C1orf167: variants seen among roughly 807,000 people sequenced by gnomAD.
The protein encoded by C1orf167 is uncharacterized protein C1orf167.
C1orf167 carries 153 observed loss-of-function variants against 176.5 expected under a neutral mutation model. That is an observed-to-expected ratio of 0.87 (90% CI 0.76 to 0.99). The LOEUF is 0.99. Among genes scored for constraint, C1orf167 ranks in the 50% least tolerant of loss-of-function variants. The probability of loss-of-function intolerance (pLI) is 0.00; values close to 1 mark genes in which losing one functional copy is unlikely to be tolerated. For missense variants in C1orf167, 1,490 were observed against 1,817.7 expected, an observed-to-expected ratio of 0.82 and a Z score of 3.28; for synonymous variants, 594 against 752.7, an observed-to-expected ratio of 0.79 and a Z score of 3.45.
intron 1 of C1orf167, among the ~76,000 whole-genome samples, chr1:11,764,002 T>G (rs1278710293): frequency 2.0e-5 from 3 of 152,066 alleles, no homozygotes; most frequent in Non-Finnish European, 4.4e-5. Flanking sequence ...GAGTTCAGTT[T>G]TGGACATATT....
intron 17 of C1orf167, 71 bp downstream of exon 17, chr1:11,787,564 G>A: frequency 9.3e-7 from 1 of 1,080,908 alleles, no homozygotes; most frequent in Non-Finnish European, 1.2e-6. Flanking sequence ...CAGTCCTCAG[G>A]GGCCTGGAAA....
intron 13 of C1orf167, among the ~76,000 whole-genome samples, chr1:11,781,803 G>A (rs991093482): frequency 2.6e-5 from 4 of 151,870 alleles, no homozygotes; most frequent in Admixed American, 6.6e-5. Flanking sequence ...CCAGCTACTC[G>A]GGAGGCTGAG....
At position 11,782,314 on chromosome 1, in the gene C1orf167, G is replaced by T; in HGVS notation, c.2986G>T (p.Glu996Ter). Reference sequence around the variant, plus strand: ...TCAGAGATGCACAGTGACCCGGCCAGAGCAGCTGCTACTGCAGAGGTGGGT... The same window carrying T: ...TCAGAGATGCACAGTGACCCGGCCATAGCAGCTGCTACTGCAGAGGTGGGT... ...AHQRCTVTRP[E>*]QLLLQSYFQA... The change falls in exon 14 of 21, where the codon GAG (glutamate) becomes TAG (stop). Residue 996 changes from glutamate (E) to a stop codon, truncating the protein, a stop_gained. Coordinates refer to ENST00000688073, the MANE Select transcript of C1orf167 (RefSeq NM_001010881.2). LOFTEE classifies it high-confidence loss of function. 3.9e-6 allele frequency: 5 copies of T among 1,279,546 alleles called. No homozygotes were observed. Among genetic ancestry groups the T allele is most frequent in the Non-Finnish European group, 5.1e-6 (5 of 978,816 alleles). 79.3% of individuals were successfully genotyped at this position (1,279,546 alleles called of 1,614,324 possible). A position where few individuals can be genotyped will look rare whatever the true frequency, so the allele number is the denominator to read the frequency against.
chr1:11,773,919 A>AT (rs70983595), intron 8 of C1orf167, among the ~76,000 whole-genome samples: 86,910 of 151,478 alleles, frequency 0.57, 25,826 homozygotes, highest in East Asian at 0.77. Flanking sequence ...TTAAAAAAAA[A>AT]TAGAGACAGG....
rs559898450 is a variant in C1orf167 at position 11,771,684 on chromosome 1, C to T, written c.1810+48C>T. The T allele has an allele frequency of 1.1e-5, 14 of 1,233,492 alleles. No homozygotes were observed. The South Asian group carries it at 1.8e-4, about 15-fold the overall frequency. The allele number at this position is 1,233,492 out of a possible 1,614,324, so 76.4% of individuals were successfully genotyped here. On this transcript the variant is annotated intron_variant, in intron 7 of 20. Transcript: ENST00000688073. ...AGCGGGGAGATGGAGCCTGGCCACG[C>T]AGGGCCTGAGCTCCACACTGGGCAG...
chr1:11,785,219 CGGCT>C lies in C1orf167; in HGVS notation c.3499_3502del (p.Ala1167SerfsTer138), dbSNP rs1557744562. The C allele has an allele frequency of 7.7e-7, 1 of 1,291,568 alleles. No individual in the cohort carries two copies. The highest frequency in any genetic ancestry group is 5.6e-5 in the East Asian group (1 of 18,016). The allele number at this position is 1,291,568 out of a possible 1,614,324, so 80.0% of individuals were successfully genotyped here. A position where few individuals can be genotyped will look rare whatever the true frequency, so the allele number is the denominator to read the frequency against. On this transcript the variant is annotated frameshift_variant, in exon 16 of 21. Transcript: ENST00000688073. LOFTEE classifies it high-confidence loss of function. ...CGAGCCATCCTCACCCAGCTCCGGC[CGGCT>C]GAGCTCAGGCGCTTCCTGCGGACAG...
At chr1:11,779,744 G>C in intron 12 of C1orf167, 58 bp from the exon 13 acceptor site, 1 of 1,215,250 alleles carries the variant, frequency 8.2e-7, no homozygotes, top group African/African-American at 1.6e-5. Context: ...GTGGGGCAGG[G>C]CTGGCCTGGG....
At chr1:11,782,155 A>T in intron 13 of C1orf167, 34 bp from the exon 14 acceptor site, 2 of 1,239,080 alleles carry the variant, frequency 1.6e-6, no homozygotes, top group Non-Finnish European at 2.1e-6. Flanking sequence ...TGGGGTGAGC[A>T]CCCAGTGGCT....
chr1:11,771,035 G>A (rs1481749575), intron 6 of C1orf167, among the ~76,000 whole-genome samples: 2 of 12,500 alleles, frequency 1.6e-4, no homozygotes, highest in East Asian at 6.2e-3. Flanking sequence ...GTGTGTATGT[G>A]TGTGTGTGTG....
chr1:11,764,539 C>A, intron 2 of C1orf167, 69 bp downstream of exon 2: 1 of 1,231,948 alleles, frequency 8.1e-7, no homozygotes, highest in Non-Finnish European at 1.1e-6. Flanking sequence ...TGGCCCAGAG[C>A]CCCCCTCCCA....
Position 11,780,999 on chromosome 1 carries a change from C to CTT in C1orf167, c.2860+1010_2860+1011dup, listed in dbSNP as rs386366239. Among the ~76,000 whole-genome samples, 315 of 92,770 alleles carry CTT rather than the reference C, an allele frequency of 3.4e-3. 19 individuals carry two copies. The highest frequency in any genetic ancestry group is 4.3e-3 in the Non-Finnish European group (220 of 51,044). The allele number at this position is 92,770 out of a possible 152,430, so 60.9% of individuals were successfully genotyped here. A position where few individuals can be genotyped will look rare whatever the true frequency, so the allele number is the denominator to read the frequency against. ...AGAGCTGTTGCATGGCCCAACCAGT[C>CTT]TTTTTTTTTTTTTTTTTTTTTTGAG... On this transcript the variant is annotated intron_variant, in intron 13 of 20. Coordinates refer to ENST00000688073, the MANE Select transcript of C1orf167 (RefSeq NM_001010881.2).
intron 6 of C1orf167, among the ~76,000 whole-genome samples, chr1:11,770,437 G>A (rs753864645): frequency 7.2e-6 from 1 of 138,910 alleles, no homozygotes. Flanking sequence ...GATTAAAGTC[G>A]GTTATATTTT....
rs1211719495 is a variant in C1orf167, at chr1:11,784,603, G to A, written c.3425+10G>A. The A allele has an allele frequency of 1.7e-5, 21 of 1,230,612 alleles. No homozygotes were observed. Among genetic ancestry groups the A allele is most frequent in the Non-Finnish European group, 2.2e-5 (21 of 952,642 alleles). 76.2% of individuals were successfully genotyped at this position (1,230,612 alleles called of 1,614,324 possible). ...GGAAGCCGCGAGCCTGGTGAGTGCT[G>A]TGGTCTAAGTGCAGCCCCACTCTGT... On this transcript the variant is annotated intron_variant, in intron 15 of 20. Coordinates refer to ENST00000688073, the MANE Select transcript of C1orf167 (RefSeq NM_001010881.2).
rs56001051 is a variant in C1orf167, at chr1:11,778,784, A to G, written c.2464A>G (p.Ser822Gly). 143,126 of 1,302,378 alleles carry G rather than the reference A, an allele frequency of 0.11. 8,395 individuals are homozygous for G. The highest frequency in any genetic ancestry group is 0.17 in the South Asian group (14,027 of 80,908). The allele number at this position is 1,302,378 out of a possible 1,614,324, so 80.7% of individuals were successfully genotyped here. Residue 822 changes from serine to glycine, a missense_variant, in exon 11 of 21, where the codon AGC (serine) becomes GGC (glycine). Transcript: ENST00000688073. Reference sequence around the variant, plus strand: ...GACCCCCTCGGCTCTGGAGCCACTGAGCAGCAGCACACTCCAAGACTCTCT... The same window carrying G: ...GACCCCCTCGGCTCTGGAGCCACTGGGCAGCAGCACACTCCAAGACTCTCT... ...TKTPSALEPL[S>G]SSTLQDSLEK...
rs181684413 is a variant in C1orf167 at position 11,764,519 on chromosome 1, C to A, written c.70+49C>A. 1,256 of 1,273,232 alleles carry A rather than the reference C, an allele frequency of 9.9e-4. 14 individuals are homozygous for A. In the African/African-American group the frequency reaches 0.018, roughly 18 times the overall value. The allele number at this position is 1,273,232 out of a possible 1,614,324, so 78.9% of individuals were successfully genotyped here. Reference sequence around the variant, plus strand: ...TGGGCAGTTACAGGAGCAGGGCCCTCTCTAGGTATTGGCCCAGAGCCCCCC... The same window carrying A: ...TGGGCAGTTACAGGAGCAGGGCCCTATCTAGGTATTGGCCCAGAGCCCCCC... On this transcript the variant is annotated intron_variant, in intron 2 of 20. Coordinates refer to ENST00000688073, the MANE Select transcript of C1orf167 (RefSeq NM_001010881.2).
At position 11,772,655 on chromosome 1, in the gene C1orf167, C is replaced by G. The variant is rs144512967; in HGVS notation, c.1988+396C>G. ...TGAAAGCAGCCATCGACTGAGCATG[C>G]CTAGAACATGCTAGCCCGCCCCACT... On this transcript the variant is annotated intron_variant, in intron 8 of 20. Transcript: ENST00000688073. Among the ~76,000 whole-genome samples, 151 of 152,204 alleles carry G rather than the reference C, an allele frequency of 9.9e-4. 2 individuals carry two copies. The highest frequency in any genetic ancestry group is 3.6e-3 in the African/African-American group (149 of 41,532).
chr1:11,773,920 T>TG (rs1553179526), intron 8 of C1orf167, among the ~76,000 whole-genome samples: 1 of 29,110 alleles, frequency 3.4e-5, no homozygotes, highest in Non-Finnish European at 9.7e-5. Flanking sequence ...TAAAAAAAAA[T>TG]AGAGACAGGG....
intron 10 of C1orf167, among the ~76,000 whole-genome samples, chr1:11,776,882 G>C (rs1483656050): frequency 6.6e-6 from 1 of 152,312 alleles, no homozygotes; most frequent in South Asian, 2.1e-4. Context: ...GGGGGCCAGG[G>C]GGCTGCCAGA....
At chr1:11,780,785 G>A (rs1241575580) in intron 13 of C1orf167, among the ~76,000 whole-genome samples, 1 of 152,102 alleles carries the variant, frequency 6.6e-6, no homozygotes, top group Non-Finnish European at 1.5e-5. Context: ...GGGCTCAGCG[G>A]GCAGAGCAGT....
Sources: allele counts gnomAD v4.1 joint callset (sites outside exome capture counted in the v4.1 genomes callset), GRCh38; gene constraint gnomAD v4.1.1; transcripts MANE v1.5; gene names NCBI Gene and HGNC (gene_info 2026-07-23, HGNC 2026-07-21).